SLC25A26: variants seen among roughly 807,000 people sequenced by gnomAD.
The protein encoded by SLC25A26 is solute carrier family 25 member 26, also known as mitochondrial S-adenosylmethionine carrier protein.
SLC25A26 carries 36 observed loss-of-function variants against 37.8 expected under a neutral mutation model. The observed-to-expected ratio is 0.95, with a 90% CI of 0.73 to 1.26. SLC25A26 has a LOEUF of 1.26. SLC25A26 is among the 50% of genes most tolerant of loss of function. The pLI is 0.00. For missense variants in SLC25A26, 390 were observed against 331.1 expected (o/e 1.18, Z -1.38); for synonymous variants, 129 against 122.5 (o/e 1.05, Z -0.35).
At chr3:66,191,648 G>T (rs1357894229) in intron 1 of SLC25A26, among the ~76,000 whole-genome samples, 4 of 152,062 alleles carry the variant, frequency 2.6e-5, no homozygotes, top group African/African-American at 9.7e-5. Context: ...CCAGCACTTT[G>T]GGAGGGTGAG....
rs782000699 is a variant in SLC25A26 at position 66,221,110 on chromosome 3, T to C, written c.16T>C (p.Phe6Leu). The C allele has an allele frequency of 1.3e-6, 2 of 1,531,136 alleles. No individual in the cohort carries two copies. Among genetic ancestry groups the C allele is most frequent in the South Asian group, 2.4e-5 (2 of 83,840 alleles). 94.8% of individuals were successfully genotyped at this position (1,531,136 alleles called of 1,614,324 possible). ...CTGAGCGACCATGGACCGGCCGGGGTTCGTGGCAGCGCTGGTGGTGAGTGC... is the reference window on the plus strand; with the variant it reads ...CTGAGCGACCATGGACCGGCCGGGGCTCGTGGCAGCGCTGGTGGTGAGTGC... MDRPG[F>L]VAALVAGGVA... The change falls in exon 1 of 10, where the codon TTC becomes CTC. Residue 6 changes from phenylalanine (F) to leucine (L), a missense_variant. Phe to Leu is a conservative substitution (Grantham distance 22). Coordinates refer to ENST00000354883, the MANE Select transcript of SLC25A26 (RefSeq NM_001379210.1).
At chr3:66,368,589 A>C (rs930445217) in intron 7 of SLC25A26, among the ~76,000 whole-genome samples, 5 of 152,206 alleles carry the variant, frequency 3.3e-5, no homozygotes, top group Admixed American at 6.5e-5. Context: ...TGAAACACAA[A>C]AAGCTTTGCT....
At chr3:66,214,867 C>T (rs1299303140) in intron 1 of SLC25A26, among the ~76,000 whole-genome samples, 1 of 152,148 alleles carries the variant, frequency 6.6e-6, no homozygotes, top group Non-Finnish European at 1.5e-5. Flanking sequence ...GTGGCTCATG[C>T]CTGTAATCCC....
At chr3:66,191,215 C>T (rs895734264) in intron 1 of SLC25A26, among the ~76,000 whole-genome samples, 3 of 152,204 alleles carry the variant, frequency 2.0e-5, no homozygotes, top group Admixed American at 6.5e-5. Flanking sequence ...GGCAATGTGG[C>T]GAAACNCCAT....
intron 3 of SLC25A26, among the ~76,000 whole-genome samples, chr3:66,260,560 ACTT>A (rs1353208455): frequency 6.6e-6 from 1 of 152,170 alleles, no homozygotes; most frequent in Non-Finnish European, 1.5e-5. Flanking sequence ...AAGCATTGTT[ACTT>A]CTTAGCTTTA....
At chr3:66,285,968 T>TG (rs1461165839) in intron 5 of SLC25A26, among the ~76,000 whole-genome samples, 2 of 152,220 alleles carry the variant, frequency 1.3e-5, no homozygotes, top group African/African-American at 4.8e-5. Flanking sequence ...TGGCTAATGA[T>TG]GTTGAACATC....
intron 5 of SLC25A26, among the ~76,000 whole-genome samples, chr3:66,275,629 G>A (rs576286454): frequency 8.5e-5 from 13 of 152,160 alleles, no homozygotes; most frequent in African/African-American, 2.9e-4. Context: ...GATACATTTA[G>A]CAAGAATTAT....
chr3:66,310,179 G>A (rs1165762221), intron 5 of SLC25A26, among the ~76,000 whole-genome samples: 1 of 152,146 alleles, frequency 6.6e-6, no homozygotes, highest in Non-Finnish European at 1.5e-5. Flanking sequence ...GAATCTGAGT[G>A]CTCCTGTATT....
At chr3:66,314,152 T>C (rs1390635883) in intron 5 of SLC25A26, among the ~76,000 whole-genome samples, 1 of 152,192 alleles carries the variant, frequency 6.6e-6, no homozygotes, top group African/African-American at 2.4e-5. Flanking sequence ...CTTCCAATAC[T>C]ATGTTGAATA....
upstream of SLC25A26, among the ~76,000 whole-genome samples, chr3:66,216,963 T>C (rs2071371213): frequency 6.6e-6 from 1 of 152,230 alleles, no homozygotes; most frequent in Admixed American, 6.5e-5. Flanking sequence ...CCCTAGGTCA[T>C]GTTTGTAATA....
At chr3:66,165,778 A>G (rs547492584) in intron 1 of SLC25A26, among the ~76,000 whole-genome samples, 2 of 152,184 alleles carry the variant, frequency 1.3e-5, no homozygotes, top group African/African-American at 2.4e-5. Context: ...CCCCCCATCA[A>G]TCTTGAAAAA....
intron 5 of SLC25A26, among the ~76,000 whole-genome samples, chr3:66,285,131 T>A (rs2074466690): frequency 6.6e-6 from 1 of 152,184 alleles, no homozygotes; most frequent in African/African-American, 2.4e-5. Flanking sequence ...TTTATAATTA[T>A]CTATTAAACA....
intron 5 of SLC25A26, among the ~76,000 whole-genome samples, chr3:66,275,498 C>CT (rs1204460210): frequency 6.6e-6 from 1 of 152,034 alleles, no homozygotes; most frequent in Non-Finnish European, 1.5e-5. Context: ...TACTATTAAT[C>CT]TAACACCTAG....
chr3:66,235,429 C>T (rs890601857), intron 1 of SLC25A26, among the ~76,000 whole-genome samples: 3 of 148,326 alleles, frequency 2.0e-5, no homozygotes, highest in African/African-American at 7.5e-5. Context: ...CTAGTTTGGG[C>T]CAGATTTTAA....
intron 1 of SLC25A26, among the ~76,000 whole-genome samples, chr3:66,209,382 C>A: frequency 7.6e-6 from 1 of 131,850 alleles, no homozygotes; most frequent in African/African-American, 2.8e-5. Context: ...TACATATGTA[C>A]ATGTATCTAT....
At chr3:66,208,092 T>G (rs1258937243) in intron 1 of SLC25A26, among the ~76,000 whole-genome samples, 1 of 152,194 alleles carries the variant, frequency 6.6e-6, no homozygotes, top group African/African-American at 2.4e-5. Context: ...TTCCAAGCGA[T>G]TAGTCAATGG....
chr3:66,314,087 C>G (rs1047421221), intron 5 of SLC25A26, among the ~76,000 whole-genome samples: 1 of 152,184 alleles, frequency 6.6e-6, no homozygotes, highest in Non-Finnish European at 1.5e-5. Context: ...TTGACTTCCT[C>G]TCTTCTTGTT....
chr3:66,273,478 C>T (rs137972979), intron 5 of SLC25A26, among the ~76,000 whole-genome samples: 1 of 151,692 alleles, frequency 6.6e-6, no homozygotes. Flanking sequence ...TGTTATTGGT[C>T]GACATGATTG....
chr3:66,235,526 A>T (rs2072235307), intron 1 of SLC25A26, among the ~76,000 whole-genome samples: 1 of 152,236 alleles, frequency 6.6e-6, no homozygotes, highest in Admixed American at 6.5e-5. Flanking sequence ...CATTTAAAGC[A>T]AAGAGAATAC....
Sources: gnomAD v4.1 joint callset for allele counts (sites outside exome capture counted in the v4.1 genomes callset) on GRCh38, gnomAD v4.1.1 for gene constraint, MANE v1.5 for transcripts, NCBI Gene and HGNC (gene_info 2026-07-23, HGNC 2026-07-21) for gene names.